The following PDK3 variants were observed in gnomAD, a reference collection of about 807,000 sequenced individuals.
PDK3 encodes pyruvate dehydrogenase kinase, isozyme 3.
In PDK3, 12 loss-of-function variants were observed where a neutral mutation model predicts 32.0. That is an observed-to-expected ratio of 0.37 (90% CI 0.24 to 0.61). PDK3 has a LOEUF of 0.61. Among genes scored for constraint, PDK3 ranks in the 20% least tolerant of loss-of-function variants. The pLI, the probability that PDK3 is intolerant of heterozygous loss-of-function variation, is 0.65. For missense variants in PDK3, 188 were observed against 316.9 expected, an observed-to-expected ratio of 0.59 and a Z score of 3.09; for synonymous variants, 122 against 116.3, an observed-to-expected ratio of 1.05 and a Z score of -0.31.
rs1203734629 is a variant in PDK3, at chrX:24,465,501, A to G, written c.46A>G (p.Ile16Val). The change falls in exon 1 of 11, where the codon ATC (isoleucine) becomes GTC (valine). Residue 16 changes from isoleucine (I) to valine (V), a missense_variant. By Grantham distance (29) the Ile-to-Val change is conservative. Coordinates refer to ENST00000379162, the MANE Select transcript of PDK3 (RefSeq NM_005391.5). ...GCTGAAGCAGCCGGTGCCCAAGCAG[A>G]TCGAGCGCTACTCGCGCTTTTCGCC... ...WLLKQPVPKQ[I>V]ERYSRFSPSP... 8.3e-7 allele frequency: 1 copy of G among 1,208,894 alleles called. No homozygotes were observed. Among genetic ancestry groups the G allele is most frequent in the Non-Finnish European group, 1.1e-6 (1 of 893,598 alleles).
At chrX:24,475,681 G>A (rs915834375) in intron 1 of PDK3, among the ~76,000 whole-genome samples, 1 of 107,845 alleles carries the variant, frequency 9.3e-6, no homozygotes, top group African/African-American at 3.4e-5. Context: ...AGGGAGGGAA[G>A]TAGAAAGGGA....
chrX:24,524,917 G>C (rs1602125083), intron 6 of PDK3, among the ~76,000 whole-genome samples: 1 of 112,167 alleles, frequency 8.9e-6, no homozygotes, highest in African/African-American at 3.2e-5. Flanking sequence ...CAGCACTTTG[G>C]GAGGCCGAGG....
intron 6 of PDK3, among the ~76,000 whole-genome samples, chrX:24,524,177 T>C (rs963160113): frequency 8.9e-6 from 1 of 112,373 alleles, no homozygotes; most frequent in African/African-American, 3.2e-5. Flanking sequence ...ATGTTATGTA[T>C]AATATGCATC....
chrX:24,488,698 A>G (rs1213074028), intron 1 of PDK3, among the ~76,000 whole-genome samples: 1 of 111,961 alleles, frequency 8.9e-6, no homozygotes, highest in African/African-American at 3.2e-5. Context: ...CTCTGTCTCA[A>G]AAACAAACAA....
chrX:24,536,865 G>A (rs1337601022), downstream of PDK3, among the ~76,000 whole-genome samples: 1 of 110,829 alleles, frequency 9.0e-6, no homozygotes, highest in Non-Finnish European at 1.9e-5. Flanking sequence ...TACTCTTTTT[G>A]TGTCTGGCTT....
intron 1 of PDK3, among the ~76,000 whole-genome samples, chrX:24,492,979 G>A (rs191715590): frequency 3.5e-4 from 37 of 105,634 alleles, no homozygotes; most frequent in Non-Finnish European, 5.8e-4. Flanking sequence ...CAGCCTGGGC[G>A]ACAGAGCAAC....
chrX:24,511,914 A>G (rs190358309), intron 5 of PDK3, among the ~76,000 whole-genome samples: 7 of 111,101 alleles, frequency 6.3e-5, no homozygotes, highest in Middle Eastern at 4.7e-3. Context: ...TCCCATCCTT[A>G]GATCTCTTGA....
chrX:24,510,271 G>A (rs1360630358), intron 5 of PDK3, among the ~76,000 whole-genome samples: 1 of 112,396 alleles, frequency 8.9e-6, no homozygotes, highest in Non-Finnish European at 1.9e-5. Context: ...TAAATAAATT[G>A]TATGTTCAAA....
At chrX:24,523,609 G>A (rs1922450897) in intron 6 of PDK3, among the ~76,000 whole-genome samples, 1 of 112,430 alleles carries the variant, frequency 8.9e-6, no homozygotes, top group Non-Finnish European at 1.9e-5. Context: ...ATGACGGGAG[G>A]CAGCTGTACT....
chrX:24,507,140 C>A (rs1205393920), intron 5 of PDK3, among the ~76,000 whole-genome samples: 1 of 111,226 alleles, frequency 9.0e-6, no homozygotes, highest in African/African-American at 3.3e-5. Flanking sequence ...CAGAAAGAAA[C>A]CCTGGACCTG....
chrX:24,501,593 A>G (rs1449734332), intron 3 of PDK3, among the ~76,000 whole-genome samples: 2 of 112,289 alleles, frequency 1.8e-5, no homozygotes, highest in Non-Finnish European at 3.8e-5. Context: ...GGGCACCTGT[A>G]ATCCCAGGTA....
rs3222401 is a variant in PDK3 at position 24,518,837 on chromosome X, GCACACACA to G, written c.596-60_596-53del. On this transcript the variant is annotated intron_variant, in intron 5 of 10. Coordinates refer to ENST00000379162, the MANE Select transcript of PDK3 (RefSeq NM_005391.5). ...CCTATAGATATATACATGCACATGT[GCACACACA>G]CACACACACACACACACACACACAC... 72,370 of 352,298 alleles carry G rather than the reference GCACACACA, an allele frequency of 0.21. 3,141 individuals carry two copies. The highest frequency in any genetic ancestry group is 0.23 in the Admixed American group (4,455 of 19,688). The allele number at this position is 352,298 out of a possible 1,213,427, so 29.0% of individuals were successfully genotyped here. A position where few individuals can be genotyped will look rare whatever the true frequency, so the allele number is the denominator to read the frequency against.
In PDK3 at chrX:24,465,305, T is replaced by TGCTGCTGCG. The variant is rs764167975; in HGVS notation, c.-148_-140dup. On this transcript the variant is annotated 5_prime_UTR_variant, in exon 1 of 11. Transcript: ENST00000379162. ...CCCGCCGCTGTCCTGGAGCTGCTGC[T>TGCTGCTGCG]GCTGCTGCGGCGGCTGCACCGGCGG... is the stretch of plus-strand genomic sequence containing the variant. The TGCTGCTGCG allele has an allele frequency of 0.064, 22,454 of 351,767 alleles. 637 individuals are homozygous for TGCTGCTGCG. The highest frequency in any genetic ancestry group is 0.077 in the Admixed American group (1,240 of 16,113). The allele number at this position is 351,767 out of a possible 1,213,427, so 29.0% of individuals were successfully genotyped here.
Position 24,465,428 on chromosome X carries a change from G to T in PDK3, c.-28G>T, listed in dbSNP as rs370637196. 3.5e-6 allele frequency: 4 copies of T among 1,131,304 alleles called. No individual in the cohort carries two copies. The highest frequency in any genetic ancestry group is 6.2e-5 in the East Asian group (2 of 32,341). 93.2% of individuals were successfully genotyped at this position (1,131,304 alleles called of 1,213,427 possible). On this transcript the variant is annotated 5_prime_UTR_variant, in exon 1 of 11. The change creates a new upstream start codon in the 5' untranslated region. Coordinates refer to ENST00000379162, the MANE Select transcript of PDK3 (RefSeq NM_005391.5). ...GCCCTTGCGGCCACCCGGGCGTCTA[G>T]GCGGGTCTGTGCGCCGCCCGGGCGA...
intron 1 of PDK3, among the ~76,000 whole-genome samples, chrX:24,490,389 C>A (rs1249345804): frequency 9.3e-6 from 1 of 107,483 alleles, no homozygotes; most frequent in Non-Finnish European, 1.9e-5. Flanking sequence ...TACCCCTGCT[C>A]ATGAAGCTTG....
At position 24,526,190 on chromosome X, in the gene PDK3, G is replaced by C. The variant is rs1287316494; in HGVS notation, c.674-8G>C. ...CTTATTGATTGATGGTTTTGTCTCTGTTTTCAGCCAAAGCGCCAGACAAAC... is the reference window on the plus strand; with the variant it reads ...CTTATTGATTGATGGTTTTGTCTCTCTTTTCAGCCAAAGCGCCAGACAAAC... On this transcript the variant is annotated splice_region_variant and splice_polypyrimidine_tract_variant and intron_variant, in intron 6 of 10. Transcript: ENST00000379162. 1.7e-6 allele frequency: 2 copies of C among 1,192,330 alleles called. No individual in the cohort carries two copies. Among genetic ancestry groups the C allele is most frequent in the East Asian group, 5.9e-5 (2 of 33,642 alleles).
chrX:24,486,679 T>A (rs1219870978), intron 1 of PDK3, among the ~76,000 whole-genome samples: 1 of 111,649 alleles, frequency 9.0e-6, no homozygotes, highest in East Asian at 2.8e-4. Context: ...TCACCTGGGC[T>A]GGAGTGCAGT....
Position 24,512,572 on chromosome X carries a change from G to C in PDK3, c.596-6361G>C, listed in dbSNP as rs559027285. 9.0e-5 allele frequency among the ~76,000 whole-genome samples: 10 copies of C among 111,418 alleles called. No homozygotes were observed. In the South Asian group the frequency reaches 3.8e-3, roughly 42 times the overall value. ...CTATAGAAATTGGAATTATCAGCCT[G>C]GCCAACATGGTGAAACCCCATCTCT... On this transcript the variant is annotated intron_variant, in intron 5 of 10. Transcript: ENST00000379162.
chrX:24,494,474 T>C (rs1921650611), intron 1 of PDK3, among the ~76,000 whole-genome samples: 1 of 112,356 alleles, frequency 8.9e-6, no homozygotes, highest in South Asian at 3.7e-4. Flanking sequence ...AGGTCACTTT[T>C]GTATTGCCGC....
Sources: gnomAD v4.1 joint callset for allele counts (sites outside exome capture counted in the v4.1 genomes callset) on GRCh38, gnomAD v4.1.1 for gene constraint, MANE v1.5 for transcripts, NCBI Gene and HGNC (gene_info 2026-07-23, HGNC 2026-07-21) for gene names.